Variants in TSEN34 observed in about 807,000 individuals in gnomAD.
TSEN34 encodes the protein tRNA splicing endonuclease subunit 34, also known as tRNA-splicing endonuclease subunit Sen34.
In TSEN34, 25 loss-of-function variants were observed where a neutral mutation model predicts 30.2. The ratio of observed to expected loss-of-function variants is 0.83; its 90% CI spans 0.60 to 1.16. The LOEUF (loss-of-function observed/expected upper bound fraction) is 1.16. TSEN34 is among the 50% of genes most tolerant of loss of function. The pLI is 0.00. For synonymous variants in TSEN34, 209 were observed against 177.4 expected (o/e 1.18, Z -1.41); for missense variants, 475 against 411.9 (o/e 1.15, Z -1.33).
chr19:54,190,485 G>T, upstream of TSEN34: 4 of 1,368,962 alleles, frequency 2.9e-6, no homozygotes, highest in Non-Finnish European at 2.8e-6. Flanking sequence ...GACGGCGGGT[G>T]TCCAGGGGGC....
chr19:54,191,970 C>T lies in TSEN34; in HGVS notation c.487+6C>T. 1 of 1,614,112 alleles carries T rather than the reference C, an allele frequency of 6.2e-7. No homozygotes were observed. The highest frequency in any genetic ancestry group is 1.1e-5 in the South Asian group (1 of 91,086). ...GGGAGAGCAGGAGGAAGCTGGTGAG[C>T]ATGGGAGGTGGAGTCCAGGGACCAC... On this transcript the variant is annotated splice_donor_region_variant and intron_variant, in intron 2 of 3. Transcript: ENST00000396388.
rs184898622 is a variant in TSEN34 at position 54,191,403 on chromosome 19, G to A, written c.39G>A (p.Val13=). ...VVEVANGRSL[V]WGAEAVQALR... is the part of the protein sequence containing the mutation. The stretch of plus-strand genomic sequence containing the variant: ...AGGTGGCGAACGGCCGCTCCCTGGT[G>A]TGGGGAGCCGAGGCGGTGCAGGCCC... Residue 13 remains valine (V), a synonymous_variant, in exon 1 of 4, where the codon GTG becomes GTA. Coordinates refer to ENST00000396388, the MANE Select transcript of TSEN34 (RefSeq NM_001077446.4). The A allele has an allele frequency of 8.0e-4, 1,238 of 1,549,440 alleles. 4 individuals carry two copies. The African/African-American group carries it at 0.012, about 16-fold the overall frequency.
Position 54,191,447 on chromosome 19 carries a change from T to TG in TSEN34, c.89dup (p.Arg31ProfsTer73), listed in dbSNP as rs2076690007. ...CAGGCCCTCCGGGAGCGCCTGGGTG[T>TG]GGGGGGCCGCACGGTAGGCGCCCTG... On this transcript the variant is annotated frameshift_variant, in exon 1 of 4. Coordinates refer to ENST00000396388, the MANE Select transcript of TSEN34 (RefSeq NM_001077446.4). LOFTEE classifies it high-confidence loss of function. 7.8e-6 allele frequency: 12 copies of TG among 1,547,596 alleles called. No homozygotes were observed. Among genetic ancestry groups the TG allele is most frequent in the Non-Finnish European group, 9.6e-6 (11 of 1,146,764 alleles).
upstream of TSEN34, chr19:54,190,710 G>A: frequency 2.4e-6 from 3 of 1,240,820 alleles, no homozygotes; most frequent in South Asian, 8.7e-5. Context: ...GAAGGGGGCG[G>A]GGCTGCGGAT....
rs886054625 is a variant in TSEN34 at position 54,192,315 on chromosome 19, G to A, written c.687G>A (p.Glu229=). Residue 229 remains glutamate (E), a synonymous_variant, in exon 3 of 4, where the codon GAG becomes GAA. Coordinates refer to ENST00000396388, the MANE Select transcript of TSEN34 (RefSeq NM_001077446.4). ...LRYSIYRDLW[E]RGFFLSAAGK... is the part of the protein sequence containing the mutation. ...ACAGTATCTACAGAGACCTGTGGGA[G>A]CGAGGCTTCTTCCTCAGTGCGGCTG... 3.7e-5 allele frequency: 59 copies of A among 1,614,192 alleles called. No individual in the cohort carries two copies. The highest frequency in any genetic ancestry group is 4.8e-5 in the Non-Finnish European group (57 of 1,180,036).
upstream of TSEN34, chr19:54,189,649 T>C (rs1373712479): frequency 2.0e-5 from 3 of 153,106 alleles, no homozygotes; most frequent in East Asian, 5.8e-4. Flanking sequence ...CCAAAAGCTT[T>C]GGACCCGAAG....
upstream of TSEN34, chr19:54,190,551 G>C (rs1397378046): frequency 3.2e-6 from 4 of 1,243,104 alleles, no homozygotes; most frequent in African/African-American, 3.1e-5. Context: ...ACTGGGGTGC[G>C]CTGGCGCTCG....
chr19:54,193,499 A>AC lies in TSEN34; in HGVS notation c.*138dup. The stretch of plus-strand genomic sequence containing the variant: ...TTTTGATTCCAGGTTTTCGAACACT[A>AC]CATCTTTTTTATGTTCTTCCTTGTT... On this transcript the variant is annotated 3_prime_UTR_variant, in exon 4 of 4. Transcript: ENST00000396388. The AC allele has an allele frequency of 6.5e-7, 1 of 1,546,528 alleles. No homozygotes were observed. Among genetic ancestry groups the AC allele is most frequent in the Non-Finnish European group, 8.7e-7 (1 of 1,146,270 alleles).
chr19:54,193,290 C>T lies in TSEN34; in HGVS notation c.861C>T (p.Thr287=), dbSNP rs778578380. ...AGRLGTSVRK[T]LLLCSPQPDG... is the part of the protein sequence containing the mutation. ...GCCTTGGAACCAGCGTCAGAAAGAC[C>T]CTGCTCCTCTGTTCTCCGCAGCCTG... Residue 287 remains threonine (T), a synonymous_variant, in exon 4 of 4, where the codon ACC becomes ACT. Coordinates refer to ENST00000396388, the MANE Select transcript of TSEN34 (RefSeq NM_001077446.4). 71 of 1,614,010 alleles carry T rather than the reference C, an allele frequency of 4.4e-5. No homozygotes were observed. Among genetic ancestry groups the T allele is most frequent in the Non-Finnish European group, 5.8e-5 (68 of 1,180,034 alleles).
At position 54,193,846 on chromosome 19, in the gene TSEN34, C is replaced by T; in HGVS notation, c.*484C>T. ...TCCTAAATCTGCACTCTTTCTACCT[C>T]ACTAAACTTCCTTTTGAAAAGATTT... On this transcript the variant is annotated 3_prime_UTR_variant, in exon 4 of 4. Transcript: ENST00000396388. 1 of 589,636 alleles carries T rather than the reference C, an allele frequency of 1.7e-6. No homozygotes were observed. Among genetic ancestry groups the T allele is most frequent in the Non-Finnish European group, 3.0e-6 (1 of 332,480 alleles). The allele number at this position is 589,636 out of a possible 1,614,324, so 36.5% of individuals were successfully genotyped here.
In TSEN34 at chr19:54,192,281, A is replaced by G. The variant is rs758396290; in HGVS notation, c.653A>G (p.Glu218Gly). The change falls in exon 3 of 4, where the codon GAG (glutamate) becomes GGG (glycine). Residue 218 changes from glutamate to glycine, a missense_variant. Coordinates refer to ENST00000396388, the MANE Select transcript of TSEN34 (RefSeq NM_001077446.4). ...DWPHAGRPAH[E>G]LRYSIYRDLW... ...CCCCACGCCGGCCGCCCTGCCCACG[A>G]GCTGCGCTACAGTATCTACAGAGAC... 1 of 1,614,004 alleles carries G rather than the reference A, an allele frequency of 6.2e-7. No individual in the cohort carries two copies.
chr19:54,191,173 T>A (rs2076670188), upstream of TSEN34: 1 of 1,380,924 alleles, frequency 7.2e-7, no homozygotes, highest in Non-Finnish European at 9.3e-7. Context: ...CCGCGAGGCC[T>A]GGTGGGATCG....
At chr19:54,190,552 C>G (rs1166784543), upstream of TSEN34, 2 of 1,245,472 alleles carry the variant, frequency 1.6e-6, no homozygotes, top group Non-Finnish European at 2.0e-6. Flanking sequence ...CTGGGGTGCG[C>G]TGGCGCTCGG....
In TSEN34 at chr19:54,193,861, T is replaced by G; in HGVS notation, c.*499T>G. ...CTTTCTACCTCACTAAACTTCCTTT[T>G]GAAAAGATTTCTATGAAATTTCCCA... On this transcript the variant is annotated 3_prime_UTR_variant, in exon 4 of 4. Coordinates refer to ENST00000396388, the MANE Select transcript of TSEN34 (RefSeq NM_001077446.4). 1.7e-6 allele frequency: 1 copy of G among 583,046 alleles called. No homozygotes were observed. The highest frequency in any genetic ancestry group is 3.0e-6 in the Non-Finnish European group (1 of 329,484). The allele number at this position is 583,046 out of a possible 1,614,324, so 36.1% of individuals were successfully genotyped here. A position where few individuals can be genotyped will look rare whatever the true frequency, so the allele number is the denominator to read the frequency against.
Position 54,191,878 on chromosome 19 carries a change from G to C in TSEN34, c.401G>C (p.Ser134Thr). 1.2e-6 allele frequency: 2 copies of C among 1,614,154 alleles called. No individual in the cohort carries two copies. Among genetic ancestry groups the C allele is most frequent in the South Asian group, 1.1e-5 (1 of 91,086 alleles). ...AAACTAGAACAGGCTTCAGGGGCCA[G>C]CTCAAGCCAGGAGGCCGGCTCGAGC... ...KQKLEQASGA[S>T]SSQEAGSSQA... The change falls in exon 2 of 4, where the codon AGC (serine) becomes ACC (threonine). Residue 134 changes from serine to threonine, a missense_variant. Transcript: ENST00000396388.
In TSEN34 at chr19:54,193,609, C is replaced by G. The variant is rs1202666464; in HGVS notation, c.*247C>G. 1 of 1,344,242 alleles carries G rather than the reference C, an allele frequency of 7.4e-7. No homozygotes were observed. The highest frequency in any genetic ancestry group is 1.5e-5 in the African/African-American group (1 of 68,788). 83.3% of individuals were successfully genotyped at this position (1,344,242 alleles called of 1,614,324 possible). A position where few individuals can be genotyped will look rare whatever the true frequency, so the allele number is the denominator to read the frequency against. On this transcript the variant is annotated 3_prime_UTR_variant, in exon 4 of 4. Transcript: ENST00000396388. ...AGAATGGGGCCTGGGTTTGATTCAT[C>G]TGTTTTCTACAGGGTTTAAGTCTCA...
At chr19:54,190,932 A>T, upstream of TSEN34, 1 of 1,050,804 alleles carries the variant, frequency 9.5e-7, no homozygotes, top group Non-Finnish European at 1.1e-6. Context: ...GGAACACCCG[A>T]AGGGGGACGC....
In TSEN34 at chr19:54,193,596, G is replaced by A. The variant is rs1317364499; in HGVS notation, c.*234G>A. 7.0e-7 allele frequency: 1 copy of A among 1,436,168 alleles called. No individual in the cohort carries two copies. Among genetic ancestry groups the A allele is most frequent in the Non-Finnish European group, 9.5e-7 (1 of 1,055,962 alleles). 89.0% of individuals were successfully genotyped at this position (1,436,168 alleles called of 1,614,324 possible). A position where few individuals can be genotyped will look rare whatever the true frequency, so the allele number is the denominator to read the frequency against. On this transcript the variant is annotated 3_prime_UTR_variant, in exon 4 of 4. Coordinates refer to ENST00000396388, the MANE Select transcript of TSEN34 (RefSeq NM_001077446.4). Reference sequence around the variant, plus strand: ...TGTGAGCTTCCCGAGAATGGGGCCTGGGTTTGATTCATCTGTTTTCTACAG... The same window carrying A: ...TGTGAGCTTCCCGAGAATGGGGCCTAGGTTTGATTCATCTGTTTTCTACAG...
upstream of TSEN34, chr19:54,191,168 A>G (rs1435620520): frequency 1.5e-6 from 2 of 1,362,596 alleles, no homozygotes; most frequent in African/African-American, 3.1e-5. Flanking sequence ...GGCGGCCGCG[A>G]GGCCTGGTGG....
Sources: allele counts gnomAD v4.1 joint callset, GRCh38; gene constraint gnomAD v4.1.1; transcripts MANE v1.5; gene names NCBI Gene and HGNC (gene_info 2026-07-23, HGNC 2026-07-21).